CNTN5: variants seen among roughly 807,000 people sequenced by gnomAD.
CNTN5 encodes contactin-5.
In CNTN5, 77 loss-of-function variants were observed where a neutral mutation model predicts 129.1. The observed-to-expected ratio is 0.60, with a 90% CI of 0.50 to 0.72. The LOEUF (loss-of-function observed/expected upper bound fraction) is 0.72, where lower values mean the gene tolerates loss of function less well. Among genes scored for constraint, CNTN5 ranks in the 30% least tolerant of loss-of-function variants. The pLI is 0.00. For missense variants in CNTN5, 1,478 were observed against 1,328.8 expected, an observed-to-expected ratio of 1.11 and a Z score of -1.75; for synonymous variants, 509 against 465.6, an observed-to-expected ratio of 1.09 and a Z score of -1.20.
intron 3 of CNTN5, among the ~76,000 whole-genome samples, chr11:99,599,349 A>AT (rs1222935887): frequency 6.6e-6 from 1 of 151,984 alleles, no homozygotes; most frequent in East Asian, 1.9e-4. Context: ...TTTCTGAGAG[A>AT]TTTTTTTAAC....
intron 3 of CNTN5, among the ~76,000 whole-genome samples, chr11:99,635,485 A>C (rs912054294): frequency 1.3e-4 from 12 of 93,282 alleles, no homozygotes; most frequent in Non-Finnish European, 8.2e-5. Context: ...TCCTAGCAGA[A>C]GTAATAAAAC....
intron 1 of CNTN5, among the ~76,000 whole-genome samples, chr11:99,032,199 C>T (rs1197744658): frequency 6.6e-6 from 1 of 152,020 alleles, no homozygotes; most frequent in Non-Finnish European, 1.5e-5. Flanking sequence ...CAACTCTTTG[C>T]TATTGTGAAT....
intron 13 of CNTN5, among the ~76,000 whole-genome samples, chr11:100,074,673 T>C (rs1315281602): frequency 1.3e-5 from 2 of 152,226 alleles, no homozygotes; most frequent in Admixed American, 6.5e-5. Flanking sequence ...TAAAAACATA[T>C]GTGAATCTTC....
chr11:100,059,556 GAAATGC>G (rs1287444753), intron 9 of CNTN5, among the ~76,000 whole-genome samples: 20 of 152,092 alleles, frequency 1.3e-4, no homozygotes, highest in Admixed American at 1.0e-3. Flanking sequence ...ACATTTCACA[GAAATGC>G]AAATGCAAAT....
chr11:99,042,755 C>T (rs766608413), intron 1 of CNTN5, among the ~76,000 whole-genome samples: 4 of 152,066 alleles, frequency 2.6e-5, no homozygotes, highest in Non-Finnish European at 4.4e-5. Flanking sequence ...ATTCAGTGGG[C>T]ACTCGATAAA....
chr11:99,660,758 C>T (rs1472670359), intron 3 of CNTN5, among the ~76,000 whole-genome samples: 4 of 151,946 alleles, frequency 2.6e-5, no homozygotes, highest in Admixed American at 6.6e-5. Flanking sequence ...TCTATGCAGC[C>T]GCCTCAGTAG....
At chr11:99,125,451 C>A (rs1203700859) in intron 1 of CNTN5, among the ~76,000 whole-genome samples, 2 of 151,942 alleles carry the variant, frequency 1.3e-5, no homozygotes, top group African/African-American at 4.8e-5. Flanking sequence ...AAGAAACTTA[C>A]TTCTAAATAA....
At chr11:100,320,490 AT>A (rs1358571482) in intron 21 of CNTN5, among the ~76,000 whole-genome samples, 1 of 151,646 alleles carries the variant, frequency 6.6e-6, no homozygotes, top group African/African-American at 2.4e-5. Context: ...ATTCTGTAGG[AT>A]TTTTTTTCAC....
At chr11:99,159,964 C>T (rs1437271348) in intron 1 of CNTN5, among the ~76,000 whole-genome samples, 1 of 152,156 alleles carries the variant, frequency 6.6e-6, no homozygotes, top group East Asian at 1.9e-4. Flanking sequence ...TTATCAACCT[C>T]CCACTGTACA....
intron 1 of CNTN5, among the ~76,000 whole-genome samples, chr11:99,297,284 A>G (rs1864430376): frequency 6.6e-6 from 1 of 152,188 alleles, no homozygotes; most frequent in Non-Finnish European, 1.5e-5. Flanking sequence ...GCGACACTGA[A>G]AAGTTCAGGT....
chr11:99,130,614 ATAGATATC>A (rs1858884557), intron 1 of CNTN5, among the ~76,000 whole-genome samples: 2 of 152,176 alleles, frequency 1.3e-5, no homozygotes, highest in Non-Finnish European at 2.9e-5. Context: ...AGTGGACCTA[ATAGATATC>A]TACAGAACTC....
At chr11:99,721,252 A>G (rs117787807) in intron 3 of CNTN5, among the ~76,000 whole-genome samples, 1 of 152,216 alleles carries the variant, frequency 6.6e-6, no homozygotes, top group Non-Finnish European at 1.5e-5. Flanking sequence ...ACAAGGCTAC[A>G]GTAATCAAAA....
chr11:99,461,789 G>A (rs1018219886), intron 2 of CNTN5, among the ~76,000 whole-genome samples: 8 of 152,060 alleles, frequency 5.3e-5, no homozygotes, highest in African/African-American at 1.9e-4. Flanking sequence ...ACACTTTCAA[G>A]AATGTGCTAC....
chr11:100,070,526 G>A lies in CNTN5; in HGVS notation c.1265G>A (p.Arg422His), dbSNP rs767479428. ...KATGKPRPTY[R>H]WLKNGVPLSP... The stretch of plus-strand genomic sequence containing the variant: ...ACTGGAAAACCCAGACCCACGTATC[G>A]TTGGCTGAAGAATGGAGTACCCCTC... Residue 422 changes from arginine (R) to histidine (H), a missense_variant, in exon 11 of 25, where the codon CGT becomes CAT. Physicochemically the swap from Arg to His is conservative, Grantham distance 29. Transcript: ENST00000524871. 7.4e-6 allele frequency: 12 copies of A among 1,612,974 alleles called. No homozygotes were observed. Among genetic ancestry groups the A allele is most frequent in the Middle Eastern group, 1.6e-4 (1 of 6,070 alleles).
chr11:100,237,433 T>G (rs1173967136), intron 16 of CNTN5, among the ~76,000 whole-genome samples: 1 of 152,174 alleles, frequency 6.6e-6, no homozygotes, highest in Non-Finnish European at 1.5e-5. Context: ...CCAGAATGCT[T>G]CTTCACTGAA....
chr11:99,663,957 A>G (rs1195423275), intron 3 of CNTN5, among the ~76,000 whole-genome samples: 3 of 152,266 alleles, frequency 2.0e-5, no homozygotes, highest in South Asian at 2.1e-4. Flanking sequence ...TTTTACATTT[A>G]TTGTACTTAT....
chr11:99,257,234 C>G (rs764730535), intron 1 of CNTN5, among the ~76,000 whole-genome samples: 15 of 152,104 alleles, frequency 9.9e-5, no homozygotes, highest in Non-Finnish European at 1.8e-4. Context: ...AATATTTACT[C>G]TGGAAAAGGT....
intron 6 of CNTN5, among the ~76,000 whole-genome samples, chr11:99,872,103 C>G (rs1036881604): frequency 6.6e-6 from 1 of 151,806 alleles, no homozygotes; most frequent in African/African-American, 2.4e-5. Context: ...CTGTCATCTG[C>G]GGGTCACAAT....
chr11:99,754,820 C>T (rs1944355611), intron 3 of CNTN5, among the ~76,000 whole-genome samples: 1 of 152,146 alleles, frequency 6.6e-6, no homozygotes, highest in Non-Finnish European at 1.5e-5. Context: ...GATGCACATT[C>T]TATGGGTTTT....
Sources: gnomAD v4.1 joint callset for allele counts (sites outside exome capture counted in the v4.1 genomes callset) on GRCh38, gnomAD v4.1.1 for gene constraint, MANE v1.5 for transcripts, NCBI Gene and HGNC (gene_info 2026-07-23, HGNC 2026-07-21) for gene names.